DCDC1: variants seen among roughly 807,000 people sequenced by gnomAD.
The protein encoded by DCDC1 is doublecortin domain containing 1, also known as doublecortin domain-containing protein 1.
A neutral mutation model predicts 178.3 loss-of-function variants in DCDC1; 200 were observed. The observed-to-expected ratio is 1.12, with a 90% CI of 1.00 to 1.26. DCDC1 has a LOEUF of 1.26. DCDC1 is among the 50% of genes most tolerant of loss of function. The pLI is 0.00. For missense variants in DCDC1, 1,983 were observed against 1,749.2 expected (o/e 1.13, Z -2.38); for synonymous variants, 690 against 604.8 (o/e 1.14, Z -2.07).
At chr11:30,923,668 G>C (rs974315119) in intron 23 of DCDC1, among the ~76,000 whole-genome samples, 3 of 151,284 alleles carry the variant, frequency 2.0e-5, no homozygotes, top group Admixed American at 6.6e-5. Context: ...GCCCAAGCTG[G>C]AGTGCAGTGG....
At chr11:31,120,923 G>A (rs1166597251) in intron 11 of DCDC1, among the ~76,000 whole-genome samples, 3 of 152,164 alleles carry the variant, frequency 2.0e-5, no homozygotes, top group Non-Finnish European at 4.4e-5. Context: ...TGGGGATGAA[G>A]AGGAGGAGGA....
chr11:31,021,625 G>A (rs1952885927), intron 20 of DCDC1, among the ~76,000 whole-genome samples: 1 of 152,118 alleles, frequency 6.6e-6, no homozygotes, highest in African/African-American at 2.4e-5. Flanking sequence ...TGACCTGACA[G>A]GGAAGGTAGG....
intron 20 of DCDC1, among the ~76,000 whole-genome samples, chr11:30,995,631 T>G (rs1445435554): frequency 6.6e-6 from 1 of 152,068 alleles, no homozygotes; most frequent in Non-Finnish European, 1.5e-5. Context: ...ACTTTTGACA[T>G]AGGTAGAAAA....
intron 12 of DCDC1, among the ~76,000 whole-genome samples, chr11:31,107,912 A>G (rs1958956948): frequency 6.6e-6 from 1 of 152,084 alleles, no homozygotes; most frequent in African/African-American, 2.4e-5. Context: ...GGATGTAGAT[A>G]TAGCTGTGGT....
At chr11:31,105,556 T>C (rs903595694) in intron 13 of DCDC1, among the ~76,000 whole-genome samples, 5 of 151,820 alleles carry the variant, frequency 3.3e-5, no homozygotes, top group African/African-American at 7.3e-5. Context: ...GTTTTTATCA[T>C]TGAAAAAACA....
At chr11:31,125,985 C>T (rs1218716626) in intron 11 of DCDC1, among the ~76,000 whole-genome samples, 1 of 151,986 alleles carries the variant, frequency 6.6e-6, no homozygotes, top group Non-Finnish European at 1.5e-5. Context: ...ACAATTCTGA[C>T]CCTAAAGTTA....
At chr11:30,969,191 T>A (rs559012258) in intron 20 of DCDC1, among the ~76,000 whole-genome samples, 1 of 152,160 alleles carries the variant, frequency 6.6e-6, no homozygotes, top group Non-Finnish European at 1.5e-5. Flanking sequence ...AGAGGCAAAA[T>A]TAAACTTTGT....
intron 4 of DCDC1, among the ~76,000 whole-genome samples, chr11:31,306,939 T>TAGA (rs1400170684): frequency 6.6e-6 from 1 of 152,158 alleles, no homozygotes; most frequent in East Asian, 1.9e-4. Context: ...ACGGTGAAGA[T>TAGA]TTCTAAGTTT....
At chr11:31,177,167 A>C (rs1043239157) in intron 9 of DCDC1, among the ~76,000 whole-genome samples, 1 of 152,158 alleles carries the variant, frequency 6.6e-6, no homozygotes, top group African/African-American at 2.4e-5. Flanking sequence ...TGTTGGGAGG[A>C]GGGGGGAGTC....
At chr11:31,211,329 C>T (rs1008057238) in intron 9 of DCDC1, among the ~76,000 whole-genome samples, 6 of 152,180 alleles carry the variant, frequency 3.9e-5, no homozygotes, top group Non-Finnish European at 8.8e-5. Context: ...TTATTTAAGA[C>T]CATATGTATT....
At chr11:31,250,413 C>CATATATATATATATATATAT (rs1565496380) in intron 8 of DCDC1, among the ~76,000 whole-genome samples, 2 of 93,070 alleles carry the variant, frequency 2.1e-5, no homozygotes, top group African/African-American at 1.0e-4. Flanking sequence ...CACACACACA[C>CATATATATATATATATATAT]ACATATACAT....
intron 20 of DCDC1, among the ~76,000 whole-genome samples, chr11:31,022,364 G>A (rs541410734): frequency 6.6e-6 from 1 of 152,072 alleles, no homozygotes; most frequent in South Asian, 2.1e-4. Flanking sequence ...GTCTCTGTCT[G>A]TTTTCCTCTT....
intron 1 of DCDC1, among the ~76,000 whole-genome samples, chr11:31,355,459 A>G (rs1951292456): frequency 2.0e-5 from 3 of 152,162 alleles, no homozygotes; most frequent in Admixed American, 2.0e-4. Context: ...TAATTGACAT[A>G]CCTCTTTTCC....
At chr11:31,186,631 A>G (rs1321834460) in intron 9 of DCDC1, among the ~76,000 whole-genome samples, 1 of 152,178 alleles carries the variant, frequency 6.6e-6, no homozygotes, top group East Asian at 1.9e-4. Context: ...GTGCCAATTA[A>G]CAAGCAATGG....
At chr11:31,223,950 G>A (rs1399616897) in intron 9 of DCDC1, among the ~76,000 whole-genome samples, 1 of 152,042 alleles carries the variant, frequency 6.6e-6, no homozygotes, top group Non-Finnish European at 1.5e-5. Context: ...GAAGGACCTA[G>A]GGTAGGGGGA....
intron 9 of DCDC1, among the ~76,000 whole-genome samples, chr11:31,168,907 C>T (rs1193291188): frequency 6.6e-6 from 1 of 151,736 alleles, no homozygotes; most frequent in Non-Finnish European, 1.5e-5. Context: ...TAGACAAAGG[C>T]AATAAAATAA....
chr11:30,988,677 C>A (rs889233090), intron 20 of DCDC1, among the ~76,000 whole-genome samples: 11 of 152,074 alleles, frequency 7.2e-5, no homozygotes, highest in Non-Finnish European at 1.3e-4. Context: ...TTGAGCCACA[C>A]ATAAAATACA....
intron 7 of DCDC1, among the ~76,000 whole-genome samples, chr11:31,279,164 C>T (rs1946222176): frequency 6.6e-6 from 1 of 152,056 alleles, no homozygotes; most frequent in Non-Finnish European, 1.5e-5. Context: ...AAGTCTTGCA[C>T]ATATTGTGTT....
In DCDC1 at chr11:31,331,705, C is replaced by T. The variant is rs1474316361; in HGVS notation, c.-6-3419G>A. Among the ~76,000 whole-genome samples, 6 of 151,984 alleles carry T rather than the reference C, an allele frequency of 3.9e-5. No homozygotes were observed. In the South Asian group the frequency reaches 1.0e-3, roughly 26 times the overall value. On this transcript the variant is annotated intron_variant, in intron 2 of 38. Coordinates refer to ENST00000684477, the MANE Select transcript of DCDC1 (RefSeq NM_001387274.1). Reference sequence around the variant, plus strand: ...TTATTGATTTGCATATGTTGAACCACCCTTGCATCCCAGGGATGAAGCCTA... The same window carrying T: ...TTATTGATTTGCATATGTTGAACCATCCTTGCATCCCAGGGATGAAGCCTA...
Sources: gnomAD v4.1 joint callset for allele counts (sites outside exome capture counted in the v4.1 genomes callset) on GRCh38, gnomAD v4.1.1 for gene constraint, MANE v1.5 for transcripts, NCBI Gene and HGNC (gene_info 2026-07-23, HGNC 2026-07-21) for gene names.